Variants in CFTR observed in about 807,000 individuals in gnomAD.
CFTR encodes CF transmembrane conductance regulator, also known as cystic fibrosis transmembrane conductance regulator.
Under a neutral mutation model 171.6 loss-of-function variants are expected in CFTR, and 181 were observed. That is an observed-to-expected ratio of 1.05 (90% confidence interval 0.93 to 1.19). The LOEUF (loss-of-function observed/expected upper bound fraction) is 1.19. Among genes scored for constraint, CFTR ranks in the 50% most tolerant of loss-of-function variants. The pLI is 0.00. For synonymous variants in CFTR, 583 were observed against 608.0 expected, an observed-to-expected ratio of 0.96 and a Z score of 0.60; for missense variants, 1,968 against 1,734.7, an observed-to-expected ratio of 1.13 and a Z score of -2.39.
At chr7:117,484,525 A>G (rs1798043198) in intron 1 of CFTR, among the ~76,000 whole-genome samples, 1 of 152,122 alleles carries the variant, frequency 6.6e-6, no homozygotes, top group Admixed American at 6.5e-5. Flanking sequence ...CCAGTCCCTC[A>G]ATAGTCTTTT....
At chr7:117,546,374 A>T (rs1371604202) in intron 9 of CFTR, among the ~76,000 whole-genome samples, 1 of 152,142 alleles carries the variant, frequency 6.6e-6, no homozygotes, top group Non-Finnish European at 1.5e-5. Context: ...TTCTCAAACA[A>T]TCCTCCTGCC....
At chr7:117,541,610 G>A (rs1037266453) in intron 8 of CFTR, among the ~76,000 whole-genome samples, 5 of 151,580 alleles carry the variant, frequency 3.3e-5, no homozygotes, top group African/African-American at 9.7e-5. Context: ...ATGCTAATGA[G>A]GCCCTTAATA....
chr7:117,548,532 T>A, intron 9 of CFTR, 109 bp from the exon 10 acceptor site: 5 of 1,539,734 alleles, frequency 3.2e-6, no homozygotes, highest in Non-Finnish European at 2.6e-6. Context: ...TCATGGGCCA[T>A]GTGCTTTTCA....
chr7:117,649,139 G>A (rs1584841058), intron 23 of CFTR, among the ~76,000 whole-genome samples: 1 of 151,414 alleles, frequency 6.6e-6, no homozygotes. Context: ...TTAGACTATA[G>A]TATTATGAGT....
chr7:117,530,446 G>A (rs1038322303), intron 3 of CFTR, among the ~76,000 whole-genome samples: 4 of 151,922 alleles, frequency 2.6e-5, no homozygotes, highest in Non-Finnish European at 5.9e-5. Context: ...TGTGGCCTCA[G>A]TTTCTTCATC....
At chr7:117,655,877 T>C (rs999576625) in intron 24 of CFTR, among the ~76,000 whole-genome samples, 7 of 152,138 alleles carry the variant, frequency 4.6e-5, no homozygotes, top group African/African-American at 1.7e-4. Flanking sequence ...TGTTGTTACA[T>C]GGCAGAAGAG....
intron 11 of CFTR, among the ~76,000 whole-genome samples, chr7:117,567,206 G>T (rs963433558): frequency 6.6e-6 from 1 of 152,056 alleles, no homozygotes; most frequent in Non-Finnish European, 1.5e-5. Context: ...CACTCTTAGC[G>T]TTTTCTATAT....
At chr7:117,529,640 T>C (rs1798823789) in intron 3 of CFTR, among the ~76,000 whole-genome samples, 2 of 152,190 alleles carry the variant, frequency 1.3e-5, no homozygotes, top group African/African-American at 4.8e-5. Context: ...GCTCAATCAA[T>C]GACAGCTCTA....
At chr7:117,602,551 A>G (rs1459801422) in intron 15 of CFTR, among the ~76,000 whole-genome samples, 1 of 152,214 alleles carries the variant, frequency 6.6e-6, no homozygotes, top group Non-Finnish European at 1.5e-5. Flanking sequence ...GTGAGGTTCA[A>G]TAGTTTCTAT....
chr7:117,577,797 G>T (rs913657997), intron 11 of CFTR, among the ~76,000 whole-genome samples: 2 of 152,076 alleles, frequency 1.3e-5, no homozygotes, highest in Non-Finnish European at 2.9e-5. Context: ...TTATGTAACA[G>T]GATTGAAAAT....
At chr7:117,644,250 A>G (rs950447389) in intron 23 of CFTR, among the ~76,000 whole-genome samples, 2 of 152,084 alleles carry the variant, frequency 1.3e-5, no homozygotes, top group Admixed American at 6.6e-5. Flanking sequence ...AGAATATGCT[A>G]TTTCTTCTTT....
chr7:117,615,167 A>G (rs1346096350), intron 21 of CFTR, among the ~76,000 whole-genome samples: 1 of 152,108 alleles, frequency 6.6e-6, no homozygotes, highest in Non-Finnish European at 1.5e-5. Flanking sequence ...AGCTGCATAC[A>G]TAATTATTGG....
chr7:117,508,713 A>G (rs957754591), intron 2 of CFTR, among the ~76,000 whole-genome samples: 4 of 152,246 alleles, frequency 2.6e-5, no homozygotes, highest in African/African-American at 9.6e-5. Context: ...AAGCACAGCA[A>G]TGAGCATTCG....
intron 24 of CFTR, among the ~76,000 whole-genome samples, chr7:117,653,148 G>T (rs1276186030): frequency 6.6e-6 from 1 of 152,134 alleles, no homozygotes; most frequent in Non-Finnish European, 1.5e-5. Context: ...CAACACAAAT[G>T]GTTGATATGG....
intron 24 of CFTR, among the ~76,000 whole-genome samples, chr7:117,653,926 G>A (rs1562926364): frequency 6.6e-6 from 1 of 152,092 alleles, no homozygotes; most frequent in African/African-American, 2.4e-5. Context: ...GGTGAAACAG[G>A]CACAGGCTAG....
In CFTR at chr7:117,499,849, A is replaced by G. The variant is rs566711317; in HGVS notation, c.54-4404A>G. Among the ~76,000 whole-genome samples, 4 of 152,256 alleles carry G rather than the reference A, an allele frequency of 2.6e-5. No homozygotes were observed. The South Asian group carries it at 8.3e-4, about 32-fold the overall frequency. ...AAAGAAAGAAATAGCCAGAGCTTTG[A>G]ACAAAATTTCTAAGTAGACCAATGT... On this transcript the variant is annotated intron_variant, in intron 1 of 26. Transcript: ENST00000003084.
At chr7:117,579,530 G>A (rs1174743880) in intron 11 of CFTR, among the ~76,000 whole-genome samples, 3 of 151,514 alleles carry the variant, frequency 2.0e-5, no homozygotes, top group South Asian at 2.1e-4. Flanking sequence ...CATATAGTAA[G>A]CACAAATATC....
At chr7:117,499,505 A>G (rs967938183) in intron 1 of CFTR, among the ~76,000 whole-genome samples, 6 of 144,204 alleles carry the variant, frequency 4.2e-5, no homozygotes, top group Non-Finnish European at 9.0e-5. Context: ...TAAAATCTGA[A>G]ATCTCTTATA....
At chr7:117,595,942 T>C (rs1792115280) in intron 15 of CFTR, among the ~76,000 whole-genome samples, 1 of 151,968 alleles carries the variant, frequency 6.6e-6, no homozygotes, top group Admixed American at 6.6e-5. Flanking sequence ...TCAAAGCAAA[T>C]CTGTACTAAA....
Sources: gnomAD v4.1 joint callset for allele counts (sites outside exome capture counted in the v4.1 genomes callset) on GRCh38, gnomAD v4.1.1 for gene constraint, MANE v1.5 for transcripts, NCBI Gene and HGNC (gene_info 2026-07-23, HGNC 2026-07-21) for gene names.